Variants in TRABD2B observed in about 807,000 individuals in gnomAD.
TRABD2B encodes the protein TraB domain containing 2B.
A neutral mutation model predicts 40.1 loss-of-function variants in TRABD2B; 14 were observed. The ratio of observed to expected loss-of-function variants is 0.35; its 90% confidence interval spans 0.23 to 0.55. TRABD2B has a LOEUF of 0.55. Ranked by LOEUF, TRABD2B falls within the 20% of genes least tolerant of loss-of-function variation. The pLI, the probability that TRABD2B is intolerant of heterozygous loss-of-function variation, is 0.90. For synonymous variants in TRABD2B, 263 were observed against 277.0 expected (o/e 0.95, Z 0.50); for missense variants, 541 against 648.6 (o/e 0.83, Z 1.80).
chr1:47,924,424 A>G (rs1215145487), intron 2 of TRABD2B, among the ~76,000 whole-genome samples: 1 of 152,088 alleles, frequency 6.6e-6, no homozygotes, highest in Admixed American at 6.6e-5. Flanking sequence ...GTGGACTCCT[A>G]CCCCGGTACA....
At chr1:47,802,076 A>G (rs79213025) in intron 2 of TRABD2B, among the ~76,000 whole-genome samples, 2,339 of 152,260 alleles carry the variant, frequency 0.015, 89 homozygotes, top group Admixed American at 0.09. Flanking sequence ...AAGGCCGCCT[A>G]CCCTGGAAGC....
intron 2 of TRABD2B, among the ~76,000 whole-genome samples, chr1:47,845,273 G>A (rs1645453521): frequency 6.6e-6 from 1 of 152,124 alleles, no homozygotes; most frequent in South Asian, 2.1e-4. Context: ...TAGGAGCTTG[G>A]TCTCAGGTCT....
rs141963900 is a variant in TRABD2B, at chr1:47,967,897, G to A, written c.666+26137C>T. On this transcript the variant is annotated intron_variant, in intron 2 of 6. Coordinates refer to ENST00000606738, the MANE Select transcript of TRABD2B (RefSeq NM_001194986.2). ...GCCAACTAACATCATGATACCTAAC[G>A]GTTATAACTTTTTATCCAGATAATT... Among the ~76,000 whole-genome samples the A allele has an allele frequency of 2.4e-3, 372 of 152,250 alleles. 2 individuals carry two copies. The highest frequency in any genetic ancestry group is 8.5e-3 in the African/African-American group (353 of 41,526).
intron 2 of TRABD2B, among the ~76,000 whole-genome samples, chr1:47,882,704 G>C (rs1011880036): frequency 2.0e-5 from 3 of 152,090 alleles, no homozygotes; most frequent in African/African-American, 4.8e-5. Context: ...CTCTGTGAAC[G>C]CTAACATGCC....
chr1:47,976,090 T>C (rs1645752257), intron 2 of TRABD2B, among the ~76,000 whole-genome samples: 1 of 152,194 alleles, frequency 6.6e-6, no homozygotes, highest in Admixed American at 6.5e-5. Context: ...ATTTGCATTC[T>C]TGTCCCATCT....
Position 47,996,725 on chromosome 1 carries a change from T to C in TRABD2B, c.65A>G (p.Gln22Arg). Residue 22 changes from glutamine to arginine, a missense_variant, in exon 1 of 7, where the codon CAG becomes CGG. Coordinates refer to ENST00000606738, the MANE Select transcript of TRABD2B (RefSeq NM_001194986.2). The surrounding 1 kb of genome is among the most constrained non-coding windows in gnomAD (Gnocchi z 4.6). ...CCGGCACTGTCCTCCGTCCGGGGGC[T>C]GCGGGCGGGCGCGAGCGGTGGCGAG... ...ALLATARARPQPPDGGQCRPP... is the reference protein window; with the variant it reads ...ALLATARARPRPPDGGQCRPP... 1 of 1,227,288 alleles carries C rather than the reference T, an allele frequency of 8.1e-7. No individual in the cohort carries two copies. The highest frequency in any genetic ancestry group is 1.0e-6 in the Non-Finnish European group (1 of 984,362). 76.0% of individuals were successfully genotyped at this position (1,227,288 alleles called of 1,614,324 possible). A position where few individuals can be genotyped will look rare whatever the true frequency, so the allele number is the denominator to read the frequency against.
intron 2 of TRABD2B, among the ~76,000 whole-genome samples, chr1:47,817,534 G>C (rs1291421179): frequency 6.6e-6 from 1 of 152,068 alleles, no homozygotes; most frequent in Non-Finnish European, 1.5e-5. Flanking sequence ...TAGTGACAGG[G>C]AGCTCATCAC....
At chr1:47,990,434 G>T (rs1321749942) in intron 2 of TRABD2B, among the ~76,000 whole-genome samples, 1 of 151,988 alleles carries the variant, frequency 6.6e-6, no homozygotes, top group Non-Finnish European at 1.5e-5. Context: ...GGCATCCTTG[G>T]GCCCCCAAGG....
intron 2 of TRABD2B, among the ~76,000 whole-genome samples, chr1:47,920,084 G>T (rs996940947): frequency 2.0e-4 from 30 of 152,178 alleles, no homozygotes; most frequent in Non-Finnish European, 1.9e-4. Context: ...GTGAGACTTT[G>T]GTACATGTAT....
chr1:47,878,886 C>T (rs1413405650), intron 2 of TRABD2B, among the ~76,000 whole-genome samples: 1 of 151,906 alleles, frequency 6.6e-6, no homozygotes, highest in Non-Finnish European at 1.5e-5. Flanking sequence ...TGCTTGAGTT[C>T]AAGAGTTTGA....
At chr1:47,987,099 A>G (rs1645930115) in intron 2 of TRABD2B, among the ~76,000 whole-genome samples, 1 of 152,284 alleles carries the variant, frequency 6.6e-6, no homozygotes, top group Middle Eastern at 3.4e-3. Flanking sequence ...AGACGTCCAA[A>G]TGGGAACTAT....
intron 2 of TRABD2B, among the ~76,000 whole-genome samples, chr1:47,964,763 G>A (rs1304199593): frequency 1.3e-5 from 2 of 152,112 alleles, no homozygotes; most frequent in African/African-American, 2.4e-5. Flanking sequence ...GGTCCAGGCC[G>A]GACTTAGTTA....
intron 2 of TRABD2B, among the ~76,000 whole-genome samples, chr1:47,970,420 A>G (rs1645664638): frequency 6.6e-6 from 1 of 152,124 alleles, no homozygotes; most frequent in Non-Finnish European, 1.5e-5. Context: ...TTATTGGAAA[A>G]TGGCCAGATT....
chr1:47,882,145 G>A (rs945454798), intron 2 of TRABD2B, among the ~76,000 whole-genome samples: 2 of 152,248 alleles, frequency 1.3e-5, no homozygotes, highest in African/African-American at 2.4e-5. Context: ...CAGCAACCGA[G>A]GAGGCCCTGT....
chr1:47,877,340 T>C (rs952434286), intron 2 of TRABD2B, among the ~76,000 whole-genome samples: 1 of 151,036 alleles, frequency 6.6e-6, no homozygotes, highest in African/African-American at 2.4e-5. Flanking sequence ...AGGGAGAGAG[T>C]GGCCAAGCAG....
chr1:47,872,387 G>A (rs1007868858), intron 2 of TRABD2B, among the ~76,000 whole-genome samples: 19 of 152,236 alleles, frequency 1.2e-4, no homozygotes, highest in East Asian at 9.7e-4. Flanking sequence ...TGCCACCTCC[G>A]GGAGACTGAA....
In TRABD2B at chr1:47,763,491, A is replaced by T. The variant is rs903080425; in HGVS notation, c.*2411T>A. On this transcript the variant is annotated 3_prime_UTR_variant, in exon 7 of 7. Transcript: ENST00000606738. The stretch of plus-strand genomic sequence containing the variant: ...AGGGGCCAGGACGACGTAATCTAGC[A>T]TTGCACTGCTTGTCCCATCTTGATA... 20 of 152,218 alleles carry T rather than the reference A, an allele frequency of 1.3e-4. No individual in the cohort carries two copies. The highest frequency in any genetic ancestry group is 3.9e-4 in the African/African-American group (16 of 41,456). 9.4% of individuals were successfully genotyped at this position (152,218 alleles called of 1,614,324 possible). A position where few individuals can be genotyped will look rare whatever the true frequency, so the allele number is the denominator to read the frequency against.
Position 47,765,972 on chromosome 1 carries a change from A to G in TRABD2B, c.1484T>C (p.Leu495Pro). The G allele has an allele frequency of 1.4e-6, 1 of 702,566 alleles. No individual in the cohort carries two copies. Among genetic ancestry groups the G allele is most frequent in the Non-Finnish European group, 2.6e-6 (1 of 384,786 alleles). 43.5% of individuals were successfully genotyped at this position (702,566 alleles called of 1,614,324 possible). A position where few individuals can be genotyped will look rare whatever the true frequency, so the allele number is the denominator to read the frequency against. The change falls in exon 7 of 7, where the codon CTG becomes CCG. Residue 495 changes from leucine (L) to proline (P), a missense_variant. Physicochemically the swap from Leu to Pro is moderately conservative, Grantham distance 98. Around this residue, in one of 2 missense-constraint regions of TRABD2B, gnomAD observed 172 missense variants for 155.8 expected, o/e 1.10. Transcript: ENST00000606738. Reference protein sequence around the residue: ...PGPASSSAPTLGLLPAIATTI... With the variant: ...PGPASSSAPTPGLLPAIATTI... ...GGTGGCGATGGCGGGGAGAAGGCCC[A>G]GGGTGGGTGCCGAGCTGCTGGCGGG...
At chr1:47,775,554 G>T in intron 5 of TRABD2B, 115 bp from the exon 6 acceptor site, 1 of 1,097,982 alleles carries the variant, frequency 9.1e-7, no homozygotes, top group Non-Finnish European at 1.2e-6. Context: ...GTGCCAGGGT[G>T]CCCCTGCTGG....
Sources: allele counts gnomAD v4.1 joint callset (sites outside exome capture counted in the v4.1 genomes callset), GRCh38; gene constraint gnomAD v4.1.1; regional missense constraint gnomAD v4.1.1; non-coding constraint Gnocchi (gnomAD v3.1); transcripts MANE v1.5; gene names NCBI Gene and HGNC (gene_info 2026-07-23, HGNC 2026-07-21).